GINS1: variants seen among roughly 807,000 people sequenced by gnomAD.
The protein encoded by GINS1 is DNA replication complex GINS protein PSF1.
In GINS1, 26 loss-of-function variants were observed where a neutral mutation model predicts 34.9. That is an observed-to-expected ratio of 0.74 (90% CI 0.55 to 1.03). The LOEUF (loss-of-function observed/expected upper bound fraction) is 1.03, where lower values mean the gene tolerates loss of function less well. Ranked by LOEUF, GINS1 falls within the 50% of genes least tolerant of loss-of-function variation. GINS1 has a pLI of 0.00. For synonymous variants in GINS1, 97 were observed against 84.4 expected, an observed-to-expected ratio of 1.15 and a Z score of -0.82; for missense variants, 235 against 237.9, an observed-to-expected ratio of 0.99 and a Z score of 0.08.
At chr20:25,423,762 C>T (rs2090373899) in intron 4 of GINS1, among the ~76,000 whole-genome samples, 1 of 151,674 alleles carries the variant, frequency 6.6e-6, no homozygotes, top group Admixed American at 6.6e-5. Context: ...TACTGGCGCC[C>T]GCCACCACGC....
chr20:25,439,692 T>C (rs1367979848), intron 5 of GINS1, among the ~76,000 whole-genome samples: 1 of 152,092 alleles, frequency 6.6e-6, no homozygotes, highest in African/African-American at 2.4e-5. Flanking sequence ...AGATAGTTCA[T>C]GATACTAAAA....
intron 1 of GINS1, among the ~76,000 whole-genome samples, chr20:25,410,176 C>T (rs993101929): frequency 1.3e-4 from 20 of 151,990 alleles, no homozygotes; most frequent in Non-Finnish European, 2.9e-4. Context: ...CCCGTATCTA[C>T]TAAAAATACA....
chr20:25,413,571 A>G, intron 1 of GINS1: 2 of 492,306 alleles, frequency 4.1e-6, no homozygotes, highest in Non-Finnish European at 7.2e-6. Flanking sequence ...GTTTTTGCCC[A>G]CAGGGCTATA....
chr20:25,434,487 A>G (rs1011048465), intron 5 of GINS1, among the ~76,000 whole-genome samples: 1 of 151,252 alleles, frequency 6.6e-6, no homozygotes, highest in African/African-American at 2.4e-5. Context: ...TCTGTTTGTC[A>G]TCCAGGCTGG....
intron 5 of GINS1, among the ~76,000 whole-genome samples, chr20:25,430,337 ATTTTGTCAAACGC>A (rs1464490969): frequency 1.3e-5 from 2 of 152,116 alleles, no homozygotes; most frequent in Non-Finnish European, 2.9e-5. Context: ...AGGAAGTTGA[ATTTTGTCAAACGC>A]TTTTTCTGTA....
At chr20:25,410,296 G>C (rs191768465) in intron 1 of GINS1, among the ~76,000 whole-genome samples, 1 of 151,792 alleles carries the variant, frequency 6.6e-6, no homozygotes, top group Non-Finnish European at 1.5e-5. Flanking sequence ...AGCCAAGATC[G>C]GGTCACTGCA....
chr20:25,445,537 C>T (rs8116139), intron 6 of GINS1, among the ~76,000 whole-genome samples: 7,364 of 152,164 alleles, frequency 0.048, 184 homozygotes, highest in Non-Finnish European at 0.063. Context: ...TTAGTAGAGA[C>T]GGGGTTTCAC....
intron 5 of GINS1, among the ~76,000 whole-genome samples, chr20:25,428,017 A>G (rs181234947): frequency 1.7e-4 from 26 of 151,166 alleles, no homozygotes; most frequent in African/African-American, 5.6e-4. Context: ...GATTACAGGC[A>G]TGCACCACCA....
At position 25,436,315 on chromosome 20, in the gene GINS1, G is replaced by A. The variant is rs145883155; in HGVS notation, c.448-5387G>A. On this transcript the variant is annotated intron_variant, in intron 5 of 6. Coordinates refer to ENST00000262460, the MANE Select transcript of GINS1 (RefSeq NM_021067.5). ...GTTTGATTATAATGTGTCTCATTGC[G>A]AGTCTGAGATCATCTTGTAGTTTGT... Among the ~76,000 whole-genome samples the A allele has an allele frequency of 1.2e-3, 182 of 152,210 alleles. 1 individual carries two copies. The highest frequency in any genetic ancestry group is 4.1e-3 in the African/African-American group (172 of 41,518).
chr20:25,436,252 CCT>C (rs1285868940), intron 5 of GINS1, among the ~76,000 whole-genome samples: 1 of 152,084 alleles, frequency 6.6e-6, no homozygotes, highest in Non-Finnish European at 1.5e-5. Flanking sequence ...CCTGCCCAGC[CCT>C]CTCTTGCTGC....
chr20:25,443,842 G>A (rs2090495891), intron 6 of GINS1, among the ~76,000 whole-genome samples: 2 of 151,916 alleles, frequency 1.3e-5, no homozygotes, highest in African/African-American at 2.4e-5. Context: ...TTATAAAAAT[G>A]GAGGCATGAA....
intron 5 of GINS1, among the ~76,000 whole-genome samples, chr20:25,434,127 T>TA (rs966840475): frequency 2.0e-5 from 3 of 151,358 alleles, no homozygotes; most frequent in African/African-American, 7.3e-5. Flanking sequence ...CTACTAAAAA[T>TA]AAAAAAAATT....
chr20:25,411,517 G>A (rs1172780034), intron 1 of GINS1, among the ~76,000 whole-genome samples: 1 of 152,058 alleles, frequency 6.6e-6, no homozygotes, highest in Non-Finnish European at 1.5e-5. Flanking sequence ...AATCATTTTG[G>A]GCTGGACACG....
At chr20:25,416,710 G>A (rs1352096666) in intron 2 of GINS1, among the ~76,000 whole-genome samples, 1 of 152,168 alleles carries the variant, frequency 6.6e-6, no homozygotes, top group African/African-American at 2.4e-5. Flanking sequence ...TGGAAGGGAG[G>A]TACTATGTAG....
chr20:25,426,419 C>G (rs1013502964), intron 5 of GINS1, among the ~76,000 whole-genome samples: 1 of 151,726 alleles, frequency 6.6e-6, no homozygotes, highest in Non-Finnish European at 1.5e-5. Context: ...CAAAATTAGC[C>G]GGGCACATGC....
intron 1 of GINS1, chr20:25,411,407 A>G (rs545436394): frequency 1.3e-5 from 2 of 152,204 alleles, no homozygotes. Flanking sequence ...ATGCCACAGC[A>G]TTTTTGCCAA....
chr20:25,442,596 CTAT>C (rs201577741), intron 6 of GINS1, among the ~76,000 whole-genome samples: 3,389 of 142,368 alleles, frequency 0.024, 41 homozygotes, highest in African/African-American at 0.029. Flanking sequence ...TATATTATTA[CTAT>C]TATTATTATT....
chr20:25,431,568 CTTT>C (rs1342984067), intron 5 of GINS1, among the ~76,000 whole-genome samples: 1 of 143,596 alleles, frequency 7.0e-6, no homozygotes, highest in African/African-American at 2.6e-5. Context: ...TTCCTTTTTT[CTTT>C]TTTCTTTTTT....
intron 5 of GINS1, among the ~76,000 whole-genome samples, chr20:25,438,537 TTG>T (rs1191618812): frequency 5.8e-4 from 85 of 145,718 alleles, no homozygotes; most frequent in African/African-American, 1.9e-3. Flanking sequence ...TTTTTTTTTT[TTG>T]AGGCAGTATC....
Sources: gnomAD v4.1 joint callset for allele counts (sites outside exome capture counted in the v4.1 genomes callset) on GRCh38, gnomAD v4.1.1 for gene constraint, MANE v1.5 for transcripts, NCBI Gene and HGNC (gene_info 2026-07-23, HGNC 2026-07-21) for gene names.